The following ZNF385D variants were observed in gnomAD, a reference collection of about 807,000 sequenced individuals.
ZNF385D encodes the protein zinc finger protein 659.
In ZNF385D, 15 loss-of-function variants were observed where a neutral mutation model predicts 35.8. That is an observed-to-expected ratio of 0.42 (90% CI 0.28 to 0.64). ZNF385D has a LOEUF of 0.64. Ranked by LOEUF, ZNF385D falls within the 30% of genes least tolerant of loss-of-function variation. ZNF385D has a pLI of 0.23. For synonymous variants in ZNF385D, 212 were observed against 186.8 expected (o/e 1.13, Z -1.10); for missense variants, 474 against 494.6 (o/e 0.96, Z 0.39).
chr3:22,156,535 G>T (rs1168631467), intron 3 of ZNF385D, among the ~76,000 whole-genome samples: 1 of 152,014 alleles, frequency 6.6e-6, no homozygotes, highest in Admixed American at 6.6e-5. Context: ...CTAAAACATC[G>T]CTGAAAATAT....
At chr3:21,960,452 T>A (rs1702526432) in intron 3 of ZNF385D, among the ~76,000 whole-genome samples, 1 of 79,618 alleles carries the variant, frequency 1.3e-5, no homozygotes, top group South Asian at 4.9e-4. Context: ...CTGGTGTGGA[T>A]GCAGTAAAAA....
rs538975578 is a variant in ZNF385D, at chr3:22,016,253, G to T, written c.325+152564C>A. ...CAAGGAGATGCCACTAGCATTTGGT[G>T]GGTAGAGGGTAGGTATGCGTCCAAA... On this transcript the variant is annotated intron_variant, in intron 3 of 5. Coordinates refer to the ZNF385D transcript ENST00000494108. 3.9e-5 allele frequency among the ~76,000 whole-genome samples: 6 copies of T among 152,152 alleles called. No homozygotes were observed. The South Asian group carries it at 1.0e-3, about 26-fold the overall frequency.
intron 2 of ZNF385D, among the ~76,000 whole-genome samples, chr3:22,277,785 T>C (rs527837925): frequency 6.6e-6 from 1 of 152,188 alleles, no homozygotes; most frequent in Admixed American, 6.6e-5. Context: ...TCTGAAGATA[T>C]GGCATTTTGG....
At chr3:21,858,735 C>T (rs148326073) in intron 3 of ZNF385D, among the ~76,000 whole-genome samples, 34 of 152,216 alleles carry the variant, frequency 2.2e-4, no homozygotes, top group African/African-American at 5.8e-4. Context: ...CAGACTAAGA[C>T]AGCACGAATG....
chr3:22,292,831 T>C (rs915787596), intron 2 of ZNF385D, among the ~76,000 whole-genome samples: 1 of 152,092 alleles, frequency 6.6e-6, no homozygotes, highest in Non-Finnish European at 1.5e-5. Context: ...AATTCTATAG[T>C]GACAGAAAAA....
intron 3 of ZNF385D, among the ~76,000 whole-genome samples, chr3:22,141,855 A>G (rs1335260173): frequency 6.6e-6 from 1 of 152,234 alleles, no homozygotes; most frequent in Non-Finnish European, 1.5e-5. Flanking sequence ...ACCAAGGACA[A>G]TTAGCAAAGT....
rs5847170 is a variant in ZNF385D at position 22,255,790 on chromosome 3, G to GTT, written c.107-86757_107-86756dup. On this transcript the variant is annotated intron_variant, in intron 2 of 5. Transcript: ENST00000494108. The stretch of plus-strand genomic sequence containing the variant: ...GTTTAAATTTCATATCCTTAACTCA[G>GTT]TTTTTTTTTTTTTAGTTGGGACTCA... Among the ~76,000 whole-genome samples, 141 of 145,704 alleles carry GTT rather than the reference G, an allele frequency of 9.7e-4. 2 individuals are homozygous for GTT. Among genetic ancestry groups the GTT allele is most frequent in the South Asian group, 2.0e-3 (9 of 4,576 alleles).
chr3:21,814,360 A>G (rs1392538633), intron 3 of ZNF385D, among the ~76,000 whole-genome samples: 2 of 152,234 alleles, frequency 1.3e-5, no homozygotes, highest in African/African-American at 2.4e-5. Context: ...TATTAACCTT[A>G]CATGTAAATG....
chr3:21,754,979 C>T (rs1269287459), upstream of ZNF385D, among the ~76,000 whole-genome samples: 2 of 152,176 alleles, frequency 1.3e-5, no homozygotes, highest in African/African-American at 2.4e-5. Context: ...AAAGTGTTCA[C>T]ACAAATTGAA....
intron 2 of ZNF385D, among the ~76,000 whole-genome samples, chr3:21,628,116 G>A (rs969572656): frequency 6.6e-6 from 1 of 152,030 alleles, no homozygotes; most frequent in African/African-American, 2.4e-5. Flanking sequence ...CTGTTTAATG[G>A]CTGCTACTGA....
intron 2 of ZNF385D, among the ~76,000 whole-genome samples, chr3:22,370,775 G>T (rs965239): frequency 6.6e-6 from 1 of 151,956 alleles, no homozygotes; most frequent in South Asian, 2.1e-4. Context: ...AGGCATTTAC[G>T]TTAGCTGTAG....
chr3:21,461,735 T>C (rs1416393635), intron 4 of ZNF385D, among the ~76,000 whole-genome samples: 1 of 152,228 alleles, frequency 6.6e-6, no homozygotes, highest in Non-Finnish European at 1.5e-5. Context: ...CTCTAGCCAT[T>C]TGAAATCATA....
chr3:21,812,262 G>A (rs1027128917), intron 3 of ZNF385D, among the ~76,000 whole-genome samples: 1 of 152,268 alleles, frequency 6.6e-6, no homozygotes, highest in Non-Finnish European at 1.5e-5. Context: ...AACAGCTCCA[G>A]TCTACAGCTC....
intron 3 of ZNF385D, chr3:22,168,403 A>G (rs1462474161): frequency 6.6e-6 from 1 of 152,206 alleles, no homozygotes; most frequent in Non-Finnish European, 1.5e-5. Context: ...ACCTATTTGA[A>G]AAGATATGCA....
chr3:21,831,200 G>T (rs1440918791), intron 3 of ZNF385D, among the ~76,000 whole-genome samples: 1 of 151,958 alleles, frequency 6.6e-6, no homozygotes. Flanking sequence ...TACCTGGAAC[G>T]TCCTTTTTCT....
chr3:22,269,083 TAAAC>T (rs1349184418), intron 2 of ZNF385D, among the ~76,000 whole-genome samples: 1 of 151,854 alleles, frequency 6.6e-6, no homozygotes, highest in Non-Finnish European at 1.5e-5. Context: ...CATCAGTAAA[TAAAC>T]AAATGAACAA....
At chr3:21,823,910 C>A (rs189462509) in intron 3 of ZNF385D, among the ~76,000 whole-genome samples, 1 of 152,140 alleles carries the variant, frequency 6.6e-6, no homozygotes, top group Admixed American at 6.5e-5. Context: ...TTGCACAGAG[C>A]TGTACATCAA....
At chr3:22,158,044 A>G (rs1198349675) in intron 3 of ZNF385D, among the ~76,000 whole-genome samples, 1 of 152,104 alleles carries the variant, frequency 6.6e-6, no homozygotes, top group Non-Finnish European at 1.5e-5. Context: ...TGAAAGAGGG[A>G]ATTACAGCGC....
intron 3 of ZNF385D, among the ~76,000 whole-genome samples, chr3:21,780,228 C>T (rs911343223): frequency 2.0e-5 from 3 of 152,014 alleles, no homozygotes; most frequent in African/African-American, 7.2e-5. Context: ...TTACCTACTT[C>T]AACCTCTTTA....
Sources: gnomAD v4.1 joint callset for allele counts (sites outside exome capture counted in the v4.1 genomes callset) on GRCh38, gnomAD v4.1.1 for gene constraint, MANE v1.5 for transcripts, NCBI Gene and HGNC (gene_info 2026-07-23, HGNC 2026-07-21) for gene names.